The following LRGUK variants were observed in gnomAD, a reference collection of about 807,000 sequenced individuals.
LRGUK encodes leucine-rich repeat and guanylate kinase domain-containing protein.
LRGUK carries 65 observed loss-of-function variants against 76.0 expected under a neutral mutation model. The ratio of observed to expected loss-of-function variants is 0.85; its 90% CI spans 0.70 to 1.05. The LOEUF (loss-of-function observed/expected upper bound fraction) is 1.05, where lower values mean the gene tolerates loss of function less well. LRGUK is among the 50% of genes least tolerant of loss of function. The probability of loss-of-function intolerance (pLI) is 0.00; values close to 1 mark genes in which losing one functional copy is unlikely to be tolerated. For missense variants in LRGUK, 758 were observed against 732.8 expected (o/e 1.03, Z -0.40); for synonymous variants, 268 against 265.6 (o/e 1.01, Z -0.09).
the LRGUK span, among the ~76,000 whole-genome samples, chr7:134,276,420 T>G: frequency 6.6e-6 from 1 of 152,250 alleles, no homozygotes; most frequent in East Asian, 1.9e-4. Context: ...CCGCTCTGTT[T>G]CTTCATCTGT....
At chr7:134,273,338 A>G in the LRGUK span, among the ~76,000 whole-genome samples, 1 of 152,204 alleles carries the variant, frequency 6.6e-6, no homozygotes, top group Non-Finnish European at 1.5e-5. Context: ...AGAGTCCCAC[A>G]TTCAAATGAG....
At chr7:134,147,299 G>T (rs574232767) in intron 4 of LRGUK, among the ~76,000 whole-genome samples, 1 of 152,038 alleles carries the variant, frequency 6.6e-6, no homozygotes, top group East Asian at 1.9e-4. Flanking sequence ...CCCGGGTGTG[G>T]TGGCACACGT....
intron 10 of LRGUK, among the ~76,000 whole-genome samples, chr7:134,178,932 A>AAAAAAAAAAAAAAAAACC (rs1799610180): frequency 3.1e-5 from 4 of 129,414 alleles, no homozygotes; most frequent in Admixed American, 8.0e-5. Flanking sequence ...ATCTCAAAAA[A>AAAAAAAAAAAAAAAAACC]AAAAAAAAAA....
At chr7:134,191,791 C>T (rs781137972) in intron 12 of LRGUK, 40 bp downstream of exon 12, 2 of 1,316,560 alleles carry the variant, frequency 1.5e-6, no homozygotes, top group South Asian at 1.3e-5. Context: ...ACAAGAAATA[C>T]ACGTTCTCTG....
intron 4 of LRGUK, among the ~76,000 whole-genome samples, chr7:134,147,554 T>G (rs1798026736): frequency 6.6e-6 from 1 of 152,142 alleles, no homozygotes; most frequent in Non-Finnish European, 1.5e-5. Flanking sequence ...GAATACAGGT[T>G]ACTGGGCAGT....
intron 17 of LRGUK, among the ~76,000 whole-genome samples, 197 bp from the exon 18 acceptor site, chr7:134,248,754 T>C (rs959071692): frequency 2.6e-5 from 4 of 152,190 alleles, no homozygotes; most frequent in Non-Finnish European, 5.9e-5. Context: ...TTACTTAACC[T>C]TCAAATTAGA....
At chr7:134,221,368 C>T (rs1020389880) in intron 15 of LRGUK, among the ~76,000 whole-genome samples, 1 of 152,164 alleles carries the variant, frequency 6.6e-6, no homozygotes, top group African/African-American at 2.4e-5. Context: ...AAACAGTGGG[C>T]TCATCATTCC....
chr7:134,269,140 C>T (rs1346425666), downstream of LRGUK, among the ~76,000 whole-genome samples: 1 of 151,998 alleles, frequency 6.6e-6, no homozygotes, highest in Non-Finnish European at 1.5e-5. Context: ...TGAAACTATT[C>T]CAAACAATCA....
At chr7:134,128,863 TTCTTTCAATACACTGTTAGGTTCTTC>T (rs1200323582) in intron 1 of LRGUK, among the ~76,000 whole-genome samples, 1 of 145,124 alleles carries the variant, frequency 6.9e-6, no homozygotes, top group Non-Finnish European at 1.5e-5. Flanking sequence ...TTTGCTTCCT[TTCTTTCAATACACTGTTAGGTTCTTC>T]TCTTTGTCTT....
At position 134,199,303 on chromosome 7, in the gene LRGUK, T is replaced by G; in HGVS notation, c.1629T>G (p.Tyr543Ter). The G allele has an allele frequency of 6.2e-7, 1 of 1,613,882 alleles. No individual in the cohort carries two copies. The change falls in exon 14 of 16, where the codon TAT (tyrosine) becomes TAG (stop). Residue 543 changes from tyrosine (Y) to a stop codon, truncating the protein, a stop_gained. Transcript: ENST00000645682. LOFTEE classifies it high-confidence loss of function. ...TGAACAAGGAAAAATATGAGGGATA[T>G]TTGCGGAGAAAAGGATTATTCAGTC... is the stretch of plus-strand genomic sequence containing the variant.
chr7:134,155,329 G>A (rs1798409506), intron 5 of LRGUK, among the ~76,000 whole-genome samples: 1 of 152,090 alleles, frequency 6.6e-6, no homozygotes, highest in Non-Finnish European at 1.5e-5. Flanking sequence ...TATTTAAGCA[G>A]CCCAAAGAAA....
chr7:134,179,740 G>T (rs562062849), intron 10 of LRGUK, among the ~76,000 whole-genome samples: 4 of 152,276 alleles, frequency 2.6e-5, no homozygotes, highest in Middle Eastern at 6.8e-3. Context: ...GATCATTTCT[G>T]GCTGTCAGGA....
chr7:134,221,190 C>A (rs1159230819), intron 15 of LRGUK, among the ~76,000 whole-genome samples: 5 of 152,118 alleles, frequency 3.3e-5, no homozygotes, highest in Non-Finnish European at 1.5e-5. Context: ...ATTTTAAAAG[C>A]AATACTCCTG....
At chr7:134,202,926 C>T (rs960461584) in intron 15 of LRGUK, among the ~76,000 whole-genome samples, 18 of 152,084 alleles carry the variant, frequency 1.2e-4, no homozygotes, top group African/African-American at 3.6e-4. Context: ...TTAAGATGGC[C>T]GGGCGTGGTG....
Position 134,197,533 on chromosome 7 carries a change from G to A in LRGUK, c.1545+428G>A, listed in dbSNP as rs551698645. Reference sequence around the variant, plus strand: ...AGATAAAGCCTGATTCTTAGAGTGTGGAACTGGTTCCCCATCCCCTCAGGA... The same window carrying A: ...AGATAAAGCCTGATTCTTAGAGTGTAGAACTGGTTCCCCATCCCCTCAGGA... On this transcript the variant is annotated intron_variant, in intron 13 of 15. Coordinates refer to ENST00000645682, the Ensembl canonical transcript of LRGUK. Among the ~76,000 whole-genome samples, 17 of 152,266 alleles carry A rather than the reference G, an allele frequency of 1.1e-4. No homozygotes were observed. The South Asian group carries it at 2.7e-3, about 24-fold the overall frequency.
At chr7:134,255,662 C>A (rs1159726128) in intron 18 of LRGUK, among the ~76,000 whole-genome samples, 1 of 152,188 alleles carries the variant, frequency 6.6e-6, no homozygotes, top group Admixed American at 6.5e-5. Flanking sequence ...TTCACATTCT[C>A]TGTGGCTTTC....
chr7:134,228,940 A>G (rs547512450), intron 16 of LRGUK, among the ~76,000 whole-genome samples: 16 of 152,366 alleles, frequency 1.1e-4, no homozygotes, highest in Non-Finnish European at 1.9e-4. Context: ...AGCCAGTGCA[A>G]TAAAGCATAA....
intron 10 of LRGUK, among the ~76,000 whole-genome samples, chr7:134,181,296 T>A (rs887389900): frequency 2.0e-5 from 3 of 152,158 alleles, no homozygotes; most frequent in Non-Finnish European, 4.4e-5. Flanking sequence ...GATCCACACC[T>A]TTTTCCTTGA....
At chr7:134,196,291 C>T (rs1800484586) in intron 12 of LRGUK, among the ~76,000 whole-genome samples, 1 of 151,412 alleles carries the variant, frequency 6.6e-6, no homozygotes, top group African/African-American at 2.4e-5. Context: ...CATCTTTTTA[C>T]TTGCCCCACC....
Sources: allele counts gnomAD v4.1 joint callset (sites outside exome capture counted in the v4.1 genomes callset), GRCh38; gene constraint gnomAD v4.1.1; transcripts MANE v1.5; gene names NCBI Gene and HGNC (gene_info 2026-07-23, HGNC 2026-07-21).